CMC1: variants seen among roughly 807,000 people sequenced by gnomAD.
CMC1 encodes the protein COX assembly mitochondrial protein homolog.
A neutral mutation model predicts 14.1 loss-of-function variants in CMC1; 14 were observed. The ratio of observed to expected loss-of-function variants is 0.99; its 90% CI spans 0.66 to 1.55. The LOEUF (loss-of-function observed/expected upper bound fraction) is 1.55, where lower values mean the gene tolerates loss of function less well. Among genes scored for constraint, CMC1 ranks in the 40% most tolerant of loss-of-function variants. CMC1 has a pLI of 0.00. For missense variants in CMC1, 127 were observed against 123.8 expected, an observed-to-expected ratio of 1.03 and a Z score of -0.12; for synonymous variants, 50 against 38.4, an observed-to-expected ratio of 1.30 and a Z score of -1.12.
intron 2 of CMC1, among the ~76,000 whole-genome samples, chr3:28,301,642 A>T (rs545668619): frequency 4.1e-4 from 62 of 150,098 alleles, no homozygotes; most frequent in East Asian, 1.4e-3. Context: ...TTTTTTTTTA[A>T]AAAAATAGGA....
chr3:28,269,409 C>G (rs1349571979), intron 2 of CMC1, among the ~76,000 whole-genome samples: 1 of 152,058 alleles, frequency 6.6e-6, no homozygotes, highest in Non-Finnish European at 1.5e-5. Flanking sequence ...TTTCTTCTCA[C>G]AGAGGAAGAT....
intron 2 of CMC1, among the ~76,000 whole-genome samples, chr3:28,270,985 C>T (rs1274143705): frequency 2.8e-5 from 4 of 144,416 alleles, no homozygotes; most frequent in African/African-American, 5.2e-5. Flanking sequence ...TGCAATGGCA[C>T]GGTCTTGGCT....
At chr3:28,292,410 C>T (rs564683642) in intron 2 of CMC1, among the ~76,000 whole-genome samples, 11 of 152,156 alleles carry the variant, frequency 7.2e-5, no homozygotes, top group African/African-American at 2.6e-4. Context: ...TTTTCTCCTT[C>T]TTCCCTGATT....
At chr3:28,315,678 A>T (rs559433454) in intron 2 of CMC1, among the ~76,000 whole-genome samples, 146 of 152,312 alleles carry the variant, frequency 9.6e-4, no homozygotes, top group South Asian at 1.7e-3. Context: ...TCAATGACAG[A>T]CTACATATAT....
chr3:28,259,288 G>A (rs575153412), intron 1 of CMC1, among the ~76,000 whole-genome samples: 2 of 151,856 alleles, frequency 1.3e-5, no homozygotes, highest in African/African-American at 4.8e-5. Flanking sequence ...CCTTCAAAAG[G>A]ATAACAATTG....
intron 2 of CMC1, among the ~76,000 whole-genome samples, chr3:28,276,747 T>C (rs1281175281): frequency 3.3e-5 from 5 of 152,168 alleles, no homozygotes; most frequent in Non-Finnish European, 7.4e-5. Flanking sequence ...TTTACTGAAA[T>C]ACATTTTTAT....
chr3:28,263,651 A>G (rs1441103619), intron 2 of CMC1, among the ~76,000 whole-genome samples: 2 of 152,144 alleles, frequency 1.3e-5, no homozygotes, highest in African/African-American at 4.8e-5. Flanking sequence ...AAAACTTGGT[A>G]TGAGTAATTT....
intron 2 of CMC1, among the ~76,000 whole-genome samples, chr3:28,275,324 G>GTTTTTTTTTTTTTTTT (rs1559416008): frequency 1.8e-5 from 2 of 108,456 alleles, no homozygotes; most frequent in Non-Finnish European, 2.1e-5. Context: ...ACTGTTAGTT[G>GTTTTTTTTTTTTTTTT]TTTGTTTTTT....
chr3:28,319,588 C>T lies in CMC1; in HGVS notation c.280C>T (p.Pro94Ser). The change falls in exon 4 of 4, where the codon CCT becomes TCT. Residue 94 changes from proline to serine, a missense_variant. Physicochemically the swap from Pro to Ser is moderately conservative, Grantham distance 74 (BLOSUM62 -1). Coordinates refer to ENST00000466830, the MANE Select transcript of CMC1 (RefSeq NM_182523.2). ...GGAAGAATTCAGAAAAACTGGAATT[C>T]CTACAAAGAAAAGGCTACAGAAGCT... ...EREEFRKTGI[P>S]TKKRLQKLPT... The T allele has an allele frequency of 6.2e-7, 1 of 1,609,360 alleles. No individual in the cohort carries two copies. Among genetic ancestry groups the T allele is most frequent in the Non-Finnish European group, 8.5e-7 (1 of 1,177,102 alleles).
At chr3:28,296,097 G>A (rs1336456034) in intron 2 of CMC1, among the ~76,000 whole-genome samples, 3 of 152,034 alleles carry the variant, frequency 2.0e-5, no homozygotes, top group Admixed American at 6.6e-5. Flanking sequence ...TGAACAGATT[G>A]TTAGAAATCT....
chr3:28,284,528 A>G (rs937857524), intron 2 of CMC1, among the ~76,000 whole-genome samples: 1 of 152,156 alleles, frequency 6.6e-6, no homozygotes, highest in Non-Finnish European at 1.5e-5. Flanking sequence ...TTTTTCCCAA[A>G]GCTTTCAAGG....
rs1703169192 is a variant in CMC1 at position 28,320,943 on chromosome 3, A to G, written c.*1314A>G. On this transcript the variant is annotated 3_prime_UTR_variant, in exon 4 of 4. Coordinates refer to ENST00000466830, the MANE Select transcript of CMC1 (RefSeq NM_182523.2). ...TCACAAATAGAAATTACTACCCACT[A>G]AGACAAGGTTTAACTTTCCCTAATC... is the stretch of plus-strand genomic sequence containing the variant. 6.6e-6 allele frequency: 1 copy of G among 151,448 alleles called. No individual in the cohort carries two copies. The highest frequency in any genetic ancestry group is 1.5e-5 in the Non-Finnish European group (1 of 67,624). 9.4% of individuals were successfully genotyped at this position (151,448 alleles called of 1,614,324 possible). A position where few individuals can be genotyped will look rare whatever the true frequency, so the allele number is the denominator to read the frequency against.
At chr3:28,263,755 C>CAT (rs1437684294) in intron 2 of CMC1, among the ~76,000 whole-genome samples, 4 of 152,122 alleles carry the variant, frequency 2.6e-5, no homozygotes, top group East Asian at 1.9e-4. Flanking sequence ...TATTCGCATA[C>CAT]ATATATATAT....
chr3:28,315,338 T>G (rs1233466582), intron 2 of CMC1, among the ~76,000 whole-genome samples: 8 of 152,274 alleles, frequency 5.3e-5, no homozygotes, highest in Middle Eastern at 6.8e-3. Flanking sequence ...ATACCCAAGG[T>G]GCCAGTACAA....
At chr3:28,258,575 G>T (rs1699550471) in intron 1 of CMC1, among the ~76,000 whole-genome samples, 1 of 142,292 alleles carries the variant, frequency 7.0e-6, no homozygotes, top group African/African-American at 2.6e-5. Flanking sequence ...TGGTGCATTT[G>T]CCAATAAATT....
intron 2 of CMC1, among the ~76,000 whole-genome samples, chr3:28,303,953 A>G (rs1702180156): frequency 6.6e-6 from 1 of 152,158 alleles, no homozygotes; most frequent in Non-Finnish European, 1.5e-5. Flanking sequence ...CCAAGGAAAG[A>G]TATGGAAGAT....
At chr3:28,285,822 A>G (rs1030850593) in intron 2 of CMC1, among the ~76,000 whole-genome samples, 2 of 149,366 alleles carry the variant, frequency 1.3e-5, no homozygotes, top group Non-Finnish European at 3.0e-5. Flanking sequence ...GCTGGAGTGC[A>G]GTGGCGCGAT....
intron 1 of CMC1, among the ~76,000 whole-genome samples, chr3:28,256,036 C>T (rs1425569080): frequency 6.6e-6 from 1 of 152,074 alleles, no homozygotes. Flanking sequence ...CTCTTTGTGC[C>T]TGTGTGTCTT....
At chr3:28,302,238 G>A (rs1333330603) in intron 2 of CMC1, among the ~76,000 whole-genome samples, 3 of 152,138 alleles carry the variant, frequency 2.0e-5, no homozygotes, top group African/African-American at 4.8e-5. Context: ...TCCTACTTTC[G>A]TTTCTCCATT....
Sources: allele counts gnomAD v4.1 joint callset (sites outside exome capture counted in the v4.1 genomes callset), GRCh38; gene constraint gnomAD v4.1.1; transcripts MANE v1.5; gene names NCBI Gene and HGNC (gene_info 2026-07-23, HGNC 2026-07-21).